DPP6: variants seen among roughly 807,000 people sequenced by gnomAD.
The protein encoded by DPP6 is dipeptidyl peptidase like 6, also known as A-type potassium channel modulatory protein DPP6.
In DPP6, 69 loss-of-function variants were observed where a neutral mutation model predicts 122.6. The observed-to-expected ratio is 0.56, with a 90% CI of 0.46 to 0.69. DPP6 has a LOEUF of 0.69. Among genes scored for constraint, DPP6 ranks in the 30% least tolerant of loss-of-function variants. DPP6 has a pLI of 0.00. For synonymous variants in DPP6, 418 were observed against 433.1 expected (o/e 0.97, Z 0.43); for missense variants, 928 against 1,116.9 (o/e 0.83, Z 2.41).
intron 1 of DPP6, among the ~76,000 whole-genome samples, chr7:154,391,620 C>G (rs1247134488): frequency 6.6e-6 from 1 of 152,228 alleles, no homozygotes; most frequent in Admixed American, 6.5e-5. Context: ...CCTCTTCTCT[C>G]AGATTTCATC....
intron 1 of DPP6, among the ~76,000 whole-genome samples, chr7:153,930,990 A>G (rs1185371680): frequency 2.0e-5 from 3 of 152,222 alleles, no homozygotes; most frequent in Non-Finnish European, 4.4e-5. Context: ...GCAATTCTCT[A>G]AAAGGAATTC....
At chr7:153,785,821 A>C in the DPP6 span, among the ~76,000 whole-genome samples, 1 of 151,452 alleles carries the variant, frequency 6.6e-6, no homozygotes, top group Non-Finnish European at 1.5e-5. Flanking sequence ...AGCCTAGCTA[A>C]GTTTTCCTTT....
intron 3 of DPP6, among the ~76,000 whole-genome samples, chr7:154,497,617 GAAAAA>G (rs146292356): frequency 3.8e-5 from 5 of 131,634 alleles, no homozygotes; most frequent in Non-Finnish European, 1.6e-5. Context: ...TCCAAAAAAA[GAAAAA>G]AAAAAAGAAA....
At chr7:154,458,620 T>G (rs534708321) in intron 2 of DPP6, among the ~76,000 whole-genome samples, 1 of 152,256 alleles carries the variant, frequency 6.6e-6, no homozygotes, top group Non-Finnish European at 1.5e-5. Flanking sequence ...AGCCATCAAG[T>G]TTGTGGTCAT....
chr7:154,822,122 G>A lies in DPP6; in HGVS notation c.1666+15010G>A, dbSNP rs570908767. 3.3e-4 allele frequency among the ~76,000 whole-genome samples: 50 copies of A among 152,072 alleles called. No individual in the cohort carries two copies. In the South Asian group the frequency reaches 4.8e-3, roughly 15 times the overall value. On this transcript the variant is annotated intron_variant, in intron 16 of 25. Coordinates refer to ENST00000377770, the MANE Select transcript of DPP6 (RefSeq NM_130797.4). ...TGAGGGCATTTTTTGCCTTTACGCC[G>A]TTGCATCTTGTCCATCCCTTTACAA...
chr7:153,986,222 C>T (rs1312315773), intron 1 of DPP6, among the ~76,000 whole-genome samples: 2 of 152,150 alleles, frequency 1.3e-5, no homozygotes, highest in African/African-American at 4.8e-5. Context: ...CTTTAAAGAA[C>T]TCATCATGTA....
At chr7:154,449,630 T>C (rs1205435724) in intron 2 of DPP6, among the ~76,000 whole-genome samples, 1 of 152,256 alleles carries the variant, frequency 6.6e-6, no homozygotes, top group East Asian at 1.9e-4. Flanking sequence ...TAGAAACTAG[T>C]ACATGAGGTT....
At chr7:154,357,941 C>T (rs919033367) in intron 1 of DPP6, among the ~76,000 whole-genome samples, 2 of 142,812 alleles carry the variant, frequency 1.4e-5, no homozygotes, top group Admixed American at 1.4e-4. Context: ...TGTGAAACTT[C>T]GTCTCAAAAA....
At chr7:154,021,087 G>A (rs1481940411) in intron 1 of DPP6, among the ~76,000 whole-genome samples, 1 of 152,162 alleles carries the variant, frequency 6.6e-6, no homozygotes, top group East Asian at 1.9e-4. Context: ...ACAGGGCTTG[G>A]TGTAACACCC....
chr7:154,691,448 T>C (rs1370307014), intron 7 of DPP6, among the ~76,000 whole-genome samples: 1 of 152,202 alleles, frequency 6.6e-6, no homozygotes, highest in African/African-American at 2.4e-5. Flanking sequence ...AGAATACTGG[T>C]GTTCCATTTA....
At chr7:153,905,069 T>C (rs1365614288) in intron 1 of DPP6, among the ~76,000 whole-genome samples, 1 of 152,260 alleles carries the variant, frequency 6.6e-6, no homozygotes, top group Admixed American at 6.5e-5. Flanking sequence ...TAGATTCTTC[T>C]TGGCCTCTCT....
intron 7 of DPP6, among the ~76,000 whole-genome samples, chr7:154,699,767 G>C (rs555853681): frequency 1.3e-5 from 2 of 152,356 alleles, no homozygotes; most frequent in South Asian, 2.1e-4. Flanking sequence ...GTGCCATCAG[G>C]CTGCCTAGTT....
At chr7:154,889,640 G>C (rs1452271121) in intron 25 of DPP6, 110 bp downstream of exon 25, 3 of 1,497,240 alleles carry the variant, frequency 2.0e-6, no homozygotes, top group Non-Finnish European at 2.7e-6. Context: ...CGCCTGTGCT[G>C]TGGTGGTCGG....
intron 1 of DPP6, among the ~76,000 whole-genome samples, chr7:153,908,904 C>A (rs570407394): frequency 6.6e-6 from 1 of 152,172 alleles, no homozygotes; most frequent in Admixed American, 6.5e-5. Context: ...CAGGCACGTG[C>A]CACCATGCCG....
chr7:154,729,732 A>T (rs28511879), intron 8 of DPP6, among the ~76,000 whole-genome samples: 15,425 of 152,220 alleles, frequency 0.1, 2,053 homozygotes, highest in African/African-American at 0.31. Flanking sequence ...CTGTGTGGTC[A>T]CCATGGAAGC....
chr7:154,790,224 G>T (rs1476695900), intron 10 of DPP6, among the ~76,000 whole-genome samples: 1 of 152,134 alleles, frequency 6.6e-6, no homozygotes, highest in East Asian at 1.9e-4. Flanking sequence ...AAGTGTATTT[G>T]GCACCAGGTA....
intron 1 of DPP6, among the ~76,000 whole-genome samples, chr7:154,061,577 C>A (rs200341312): frequency 0.24 from 33,660 of 142,678 alleles, 878 homozygotes; most frequent in East Asian, 0.32. Context: ...TGGCTGAGAT[C>A]CATCCCCTCT....
chr7:154,209,753 A>G (rs1799641908), intron 1 of DPP6, among the ~76,000 whole-genome samples: 1 of 152,188 alleles, frequency 6.6e-6, no homozygotes, highest in Non-Finnish European at 1.5e-5. Context: ...TCAGGAATCC[A>G]CAATGGGCAT....
intron 4 of DPP6, among the ~76,000 whole-genome samples, chr7:154,563,513 A>C (rs1322450582): frequency 6.6e-6 from 1 of 152,254 alleles, no homozygotes; most frequent in East Asian, 1.9e-4. Flanking sequence ...GAAAGAATGC[A>C]CATACCTTAG....
Sources: gnomAD v4.1 joint callset for allele counts (sites outside exome capture counted in the v4.1 genomes callset) on GRCh38, gnomAD v4.1.1 for gene constraint, MANE v1.5 for transcripts, NCBI Gene and HGNC (gene_info 2026-07-23, HGNC 2026-07-21) for gene names.